The following BAIAP2 variants were observed in gnomAD, a reference collection of about 807,000 sequenced individuals.
BAIAP2 encodes the protein BAR/IMD domain containing adaptor protein 2, also known as BAR/IMD domain-containing adapter protein 2.
BAIAP2 carries 18 observed loss-of-function variants against 63.0 expected under a neutral mutation model. The ratio of observed to expected loss-of-function variants is 0.29; its 90% CI spans 0.20 to 0.42. BAIAP2 has a LOEUF of 0.42. Among genes scored for constraint, BAIAP2 ranks in the 10% least tolerant of loss-of-function variants. BAIAP2 has a pLI of 1.00. For synonymous variants in BAIAP2, 386 were observed against 307.6 expected, an observed-to-expected ratio of 1.25 and a Z score of -2.67; for missense variants, 610 against 734.3, an observed-to-expected ratio of 0.83 and a Z score of 1.96.
At chr17:81,047,381 T>TC (rs1460727526) in intron 1 of BAIAP2, among the ~76,000 whole-genome samples, 2 of 152,052 alleles carry the variant, frequency 1.3e-5, no homozygotes, top group Admixed American at 1.3e-4. Context: ...GTGATGAGGG[T>TC]CTAAGGCAGC....
chr17:81,104,958 G>GAGGGATCTCCCCCCGACAGC, intron 10 of BAIAP2: 1 of 395,922 alleles, frequency 2.5e-6, no homozygotes, highest in Non-Finnish European at 4.7e-6. Context: ...TCCCCTACAG[G>GAGGGATCTCCCCCCGACAGC]AGGGATCTCC....
intron 1 of BAIAP2, chr17:81,036,715 C>A: frequency 1.5e-6 from 1 of 683,562 alleles, no homozygotes; most frequent in Non-Finnish European, 2.4e-6. Flanking sequence ...GGGAAAGGCA[C>A]AGGCCCTGGG....
intron 10 of BAIAP2, chr17:81,105,130 TGGCAGGGGTCTTTCCCCAC>T (rs952292909): frequency 1.4e-4 from 23 of 162,776 alleles, no homozygotes; most frequent in Non-Finnish European, 1.8e-4. Context: ...GTCTGCCCCA[TGGCAGGGGTCTTTCCCCAC>T]GGCAGGGGTC....
intron 6 of BAIAP2, among the ~76,000 whole-genome samples, chr17:81,096,674 C>T (rs1350068532): frequency 2.0e-5 from 3 of 152,254 alleles, no homozygotes; most frequent in Non-Finnish European, 2.9e-5. Flanking sequence ...GGAAAGGAGT[C>T]CAGCAGCCAG....
At chr17:81,043,703 G>C (rs2047402128) in intron 1 of BAIAP2, among the ~76,000 whole-genome samples, 1 of 151,988 alleles carries the variant, frequency 6.6e-6, no homozygotes, top group South Asian at 2.1e-4. Flanking sequence ...TTCGTGTGCG[G>C]GTCCTGGGTG....
At chr17:81,068,311 T>A (rs1291326691) in intron 3 of BAIAP2, among the ~76,000 whole-genome samples, 2 of 152,210 alleles carry the variant, frequency 1.3e-5, no homozygotes, top group Non-Finnish European at 2.9e-5. Context: ...GCGAGGCTGG[T>A]TAGGAGCAGA....
intron 3 of BAIAP2, among the ~76,000 whole-genome samples, chr17:81,071,916 T>A (rs2052739171): frequency 6.6e-6 from 1 of 152,260 alleles, no homozygotes; most frequent in Admixed American, 6.5e-5. Context: ...GGTCTATGCC[T>A]CTGCAGAGTC....
chr17:81,057,971 A>AGTGGGGGGGGG lies in BAIAP2; in HGVS notation c.217+5_217+6insTGGGGGGGGGG. The AGTGGGGGGGGG allele has an allele frequency of 3.0e-6, 2 of 664,806 alleles. No individual in the cohort carries two copies. The highest frequency in any genetic ancestry group is 3.7e-5 in the Admixed American group (1 of 27,098). 41.2% of individuals were successfully genotyped at this position (664,806 alleles called of 1,614,324 possible). A position where few individuals can be genotyped will look rare whatever the true frequency, so the allele number is the denominator to read the frequency against. On this transcript the variant is annotated splice_donor_region_variant and intron_variant, in intron 3 of 13. Coordinates refer to ENST00000428708, the MANE Select transcript of BAIAP2 (RefSeq NM_001144888.2). The stretch of plus-strand genomic sequence containing the variant: ...AGCCAGGGCTCCAAAGAACTCGGTG[A>AGTGGGGGGGGG]GACCCCCCCCCCCCCCCCGCCTGGT...
chr17:81,091,789 C>G (rs1251655059), intron 6 of BAIAP2, among the ~76,000 whole-genome samples: 1 of 152,222 alleles, frequency 6.6e-6, no homozygotes, highest in East Asian at 1.9e-4. Context: ...AGATGCCTCC[C>G]TGCGGTTCCC....
At chr17:81,037,032 G>A (rs922256044) in intron 1 of BAIAP2, 58 of 1,324,824 alleles carry the variant, frequency 4.4e-5, no homozygotes, top group African/African-American at 5.8e-5. Flanking sequence ...TCTCCTAACC[G>A]GGCAGTAGGC....
chr17:81,067,998 C>T (rs1362980383), intron 3 of BAIAP2, among the ~76,000 whole-genome samples: 1 of 152,246 alleles, frequency 6.6e-6, no homozygotes, highest in Non-Finnish European at 1.5e-5. Flanking sequence ...GTGTTGGCCG[C>T]AGGCCGAGGG....
chr17:81,037,146 G>T (rs1184709736), intron 1 of BAIAP2, among the ~76,000 whole-genome samples: 1 of 152,236 alleles, frequency 6.6e-6, no homozygotes, highest in Non-Finnish European at 1.5e-5. Flanking sequence ...CCCTGTGGAC[G>T]CAGACCAGCT....
At chr17:81,109,502 C>T (rs1010139885) in intron 13 of BAIAP2, 102 of 985,242 alleles carry the variant, frequency 1.0e-4, no homozygotes, top group Non-Finnish European at 1.1e-4. Flanking sequence ...TTCCCCGGTG[C>T]GATGGCCTCT....
intron 2 of BAIAP2, among the ~76,000 whole-genome samples, chr17:81,054,774 A>C (rs529921631): frequency 1.6e-4 from 25 of 151,844 alleles, no homozygotes; most frequent in African/African-American, 5.8e-4. Context: ...CATCGCCCCC[A>C]CCCCACCCAG....
At chr17:81,081,984 G>A (rs1039722327) in intron 3 of BAIAP2, among the ~76,000 whole-genome samples, 2 of 152,154 alleles carry the variant, frequency 1.3e-5, no homozygotes, top group Non-Finnish European at 2.9e-5. Context: ...GGTACTGGGT[G>A]TGCCAGGGCG....
intron 1 of BAIAP2, among the ~76,000 whole-genome samples, chr17:81,049,261 G>T (rs1019060481): frequency 6.6e-6 from 1 of 152,320 alleles, no homozygotes; most frequent in East Asian, 1.9e-4. Flanking sequence ...GGGCCCCTGG[G>T]GAGCTCTCTC....
At chr17:81,090,145 G>A (rs757953090) in intron 6 of BAIAP2, among the ~76,000 whole-genome samples, 17 of 152,192 alleles carry the variant, frequency 1.1e-4, no homozygotes, top group Non-Finnish European at 8.8e-5. Flanking sequence ...AGGCCCTGGT[G>A]TCAGGCTTAG....
chr17:81,056,154 G>A (rs12945231), intron 2 of BAIAP2, among the ~76,000 whole-genome samples: 8,917 of 152,246 alleles, frequency 0.059, 340 homozygotes, highest in East Asian at 0.13. Context: ...GCTGAGGCCC[G>A]GCTCGAGGTG....
chr17:81,092,352 C>A (rs779111972), intron 6 of BAIAP2, among the ~76,000 whole-genome samples: 2 of 152,220 alleles, frequency 1.3e-5, no homozygotes, highest in African/African-American at 4.8e-5. Context: ...TGTGTGGCAG[C>A]GGCCAGGCCT....
Sources: gnomAD v4.1 joint callset for allele counts (sites outside exome capture counted in the v4.1 genomes callset) on GRCh38, gnomAD v4.1.1 for gene constraint, MANE v1.5 for transcripts, NCBI Gene and HGNC (gene_info 2026-07-23, HGNC 2026-07-21) for gene names.